The following ZMIZ1 variants were observed in gnomAD, a reference collection of about 807,000 sequenced individuals.
ZMIZ1 encodes the protein zinc finger MIZ domain-containing protein 1.
A neutral mutation model predicts 113.9 loss-of-function variants in ZMIZ1; 17 were observed. The observed-to-expected ratio is 0.15, with a 90% CI of 0.10 to 0.22. The LOEUF (loss-of-function observed/expected upper bound fraction) is 0.22, where lower values mean the gene tolerates loss of function less well. Ranked by LOEUF, ZMIZ1 falls within the 10% of genes least tolerant of loss-of-function variation. The probability of loss-of-function intolerance (pLI) is 1.00; values close to 1 mark genes in which losing one functional copy is unlikely to be tolerated. For synonymous variants in ZMIZ1, 607 were observed against 603.1 expected (o/e 1.01, Z -0.09); for missense variants, 1,059 against 1,477.8 (o/e 0.72, Z 4.65).
At chr10:79,248,687 C>G (rs1589484863) in intron 7 of ZMIZ1, among the ~76,000 whole-genome samples, 1 of 152,284 alleles carries the variant, frequency 6.6e-6, no homozygotes, top group East Asian at 1.9e-4. Flanking sequence ...CTGAGGAGCT[C>G]CGGGAACTGG....
chr10:79,278,241 T>C (rs564583675), intron 8 of ZMIZ1, among the ~76,000 whole-genome samples: 1 of 152,300 alleles, frequency 6.6e-6, no homozygotes, highest in African/African-American at 2.4e-5. Flanking sequence ...GACATGTGGT[T>C]GCCTGCCTTG....
intron 4 of ZMIZ1, among the ~76,000 whole-genome samples, chr10:79,186,299 G>T (rs1055842076): frequency 2.0e-5 from 3 of 152,192 alleles, no homozygotes; most frequent in Non-Finnish European, 4.4e-5. Flanking sequence ...TCTCTGTTCC[G>T]TAAGTAATTT....
chr10:79,231,664 C>T (rs924855962), intron 7 of ZMIZ1, among the ~76,000 whole-genome samples: 1 of 152,100 alleles, frequency 6.6e-6, no homozygotes, highest in Admixed American at 6.5e-5. Context: ...CTGCAACCTC[C>T]GCCTCTCGTG....
chr10:79,089,430 CT>C (rs1443928114), intron 1 of ZMIZ1, among the ~76,000 whole-genome samples: 1 of 152,242 alleles, frequency 6.6e-6, no homozygotes, highest in Non-Finnish European at 1.5e-5. Flanking sequence ...TTTGTGCCTT[CT>C]CCGGTTTGCT....
intron 3 of ZMIZ1, among the ~76,000 whole-genome samples, chr10:79,146,150 A>G (rs2132433150): frequency 6.6e-6 from 1 of 152,172 alleles, no homozygotes; most frequent in African/African-American, 2.4e-5. Context: ...GCAGACCCCC[A>G]TAGAGCTGGC....
chr10:79,175,431 C>G (rs535081416), intron 4 of ZMIZ1, among the ~76,000 whole-genome samples: 5 of 152,310 alleles, frequency 3.3e-5, no homozygotes, highest in Admixed American at 6.5e-5. Flanking sequence ...CATCGTGTCT[C>G]TCACTTGGGT....
At chr10:79,162,714 G>A (rs533261123) in intron 4 of ZMIZ1, among the ~76,000 whole-genome samples, 56 of 152,142 alleles carry the variant, frequency 3.7e-4, no homozygotes, top group African/African-American at 1.3e-3. Flanking sequence ...CTACACACCT[G>A]GCACACAGCA....
chr10:79,116,969 C>T (rs1365614076), intron 1 of ZMIZ1, among the ~76,000 whole-genome samples: 9 of 152,262 alleles, frequency 5.9e-5, no homozygotes, highest in Non-Finnish European at 1.5e-5. Context: ...TTTGGCTGGA[C>T]TTCTCCTCCT....
At position 79,314,418 on chromosome 10, in the gene ZMIZ1, T is replaced by C; in HGVS notation, c.*1669T>C. ...GGTGGCCCCAGCTGTTGACTTCCAGTCACTGTCCCAGACGGCACAAGGTTT... is the reference window on the plus strand; with the variant it reads ...GGTGGCCCCAGCTGTTGACTTCCAGCCACTGTCCCAGACGGCACAAGGTTT... On this transcript the variant is annotated 3_prime_UTR_variant, in exon 25 of 25. Transcript: ENST00000334512. 2.7e-6 allele frequency: 1 copy of C among 367,368 alleles called. No homozygotes were observed. The highest frequency in any genetic ancestry group is 2.0e-5 in the South Asian group (1 of 49,742). 22.8% of individuals were successfully genotyped at this position (367,368 alleles called of 1,614,324 possible).
At chr10:79,245,748 C>T (rs1010936186) in intron 7 of ZMIZ1, among the ~76,000 whole-genome samples, 2 of 152,144 alleles carry the variant, frequency 1.3e-5, no homozygotes, top group Non-Finnish European at 1.5e-5. Flanking sequence ...TCTAAGATGA[C>T]GCCATTCAGT....
chr10:79,099,348 C>T (rs1453962360), intron 1 of ZMIZ1, among the ~76,000 whole-genome samples: 1 of 152,144 alleles, frequency 6.6e-6, no homozygotes, highest in East Asian at 1.9e-4. Context: ...CTGGCCCTTC[C>T]CCAGGCTGCC....
In ZMIZ1 at chr10:79,296,739, C is replaced by T; in HGVS notation, c.1413+86C>T. On this transcript the variant is annotated intron_variant, in intron 13 of 24. Transcript: ENST00000334512. The surrounding 1 kb of genome is among the most constrained non-coding windows in gnomAD (Gnocchi z 4.1). ...TAACTCCACCGGGATCACTCTGACC[C>T]TGCGTGTGTTTGCCCCAAGGACAGC... 4.4e-6 allele frequency: 6 copies of T among 1,356,200 alleles called. No individual in the cohort carries two copies. The highest frequency in any genetic ancestry group is 5.9e-6 in the Non-Finnish European group (6 of 1,010,248). 84.0% of individuals were successfully genotyped at this position (1,356,200 alleles called of 1,614,324 possible). A position where few individuals can be genotyped will look rare whatever the true frequency, so the allele number is the denominator to read the frequency against.
At chr10:79,167,912 C>G (rs1381927358) in intron 4 of ZMIZ1, among the ~76,000 whole-genome samples, 2 of 152,222 alleles carry the variant, frequency 1.3e-5, no homozygotes, top group Non-Finnish European at 2.9e-5. Flanking sequence ...GCCCAGGTCT[C>G]CAGCGAGTGG....
intron 7 of ZMIZ1, among the ~76,000 whole-genome samples, chr10:79,223,017 G>A (rs1849044208): frequency 6.6e-6 from 1 of 152,168 alleles, no homozygotes. Flanking sequence ...CCGTGGTGGT[G>A]GGGACATTCC....
intron 1 of ZMIZ1, among the ~76,000 whole-genome samples, chr10:79,071,179 C>T (rs1397818437): frequency 6.6e-6 from 1 of 152,150 alleles, no homozygotes; most frequent in African/African-American, 2.4e-5. Flanking sequence ...GGTGCAGAGC[C>T]GCTCCGAGCT....
intron 2 of ZMIZ1, among the ~76,000 whole-genome samples, chr10:79,131,263 T>C (rs1844753728): frequency 6.6e-6 from 1 of 152,036 alleles, no homozygotes; most frequent in Non-Finnish European, 1.5e-5. Context: ...TTGAGGACAT[T>C]TCTGAGACCA....
chr10:79,083,014 C>T (rs1379339865), intron 1 of ZMIZ1, among the ~76,000 whole-genome samples: 1 of 152,190 alleles, frequency 6.6e-6, no homozygotes, highest in Non-Finnish European at 1.5e-5. Context: ...CAAGCACCTT[C>T]CATGTGCCAG....
rs576373899 is a variant in ZMIZ1 at position 79,069,531 on chromosome 10, C to T, written c.-337+261C>T. ...TGGGGGCCGGGTTTGTCAGGGTGTGCGGGGCGTAAGTGTGGTCGTGCGCGC... is the reference window on the plus strand; with the variant it reads ...TGGGGGCCGGGTTTGTCAGGGTGTGTGGGGCGTAAGTGTGGTCGTGCGCGC... On this transcript the variant is annotated intron_variant, in intron 1 of 24. Coordinates refer to ENST00000334512, the MANE Select transcript of ZMIZ1 (RefSeq NM_020338.4). The surrounding 1 kb of genome is among the most constrained non-coding windows in gnomAD (Gnocchi z 4.6). Among the ~76,000 whole-genome samples the T allele has an allele frequency of 6.6e-6, 1 of 151,810 alleles. No individual in the cohort carries two copies. The highest frequency in any genetic ancestry group is 1.5e-5 in the Non-Finnish European group (1 of 67,886).
chr10:79,199,537 G>T (rs1847984317), intron 4 of ZMIZ1, among the ~76,000 whole-genome samples: 1 of 152,112 alleles, frequency 6.6e-6, no homozygotes, highest in African/African-American at 2.4e-5. Context: ...TCTTGATGTG[G>T]AATAAACTTT....
Sources: allele counts gnomAD v4.1 joint callset (sites outside exome capture counted in the v4.1 genomes callset), GRCh38; gene constraint gnomAD v4.1.1; non-coding constraint Gnocchi (gnomAD v3.1); transcripts MANE v1.5; gene names NCBI Gene and HGNC (gene_info 2026-07-23, HGNC 2026-07-21).